The following LANCL3 variants were observed in gnomAD, a reference collection of about 807,000 sequenced individuals.
The protein encoded by LANCL3 is lanC-like protein 3.
LANCL3 carries 19 observed loss-of-function variants against 26.5 expected under a neutral mutation model. That is an observed-to-expected ratio of 0.72 (90% confidence interval 0.50 to 1.05). The LOEUF (loss-of-function observed/expected upper bound fraction) is 1.05. LANCL3 is among the 50% of genes least tolerant of loss of function. The pLI is 0.00. For synonymous variants in LANCL3, 160 were observed against 166.6 expected, an observed-to-expected ratio of 0.96 and a Z score of 0.30; for missense variants, 318 against 362.7, an observed-to-expected ratio of 0.88 and a Z score of 1.00.
At chrX:37,611,988 G>A (rs1231667397) in intron 1 of LANCL3, among the ~76,000 whole-genome samples, 3 of 109,319 alleles carry the variant, frequency 2.7e-5, no homozygotes, top group Non-Finnish European at 5.7e-5. Flanking sequence ...CCAGTGGTGC[G>A]ATCGTACAGT....
chrX:37,665,855 G>C (rs1556433841), intron 3 of LANCL3, among the ~76,000 whole-genome samples: 1 of 112,442 alleles, frequency 8.9e-6, no homozygotes, highest in East Asian at 2.8e-4. Context: ...CTTGTCTAGG[G>C]CTGTGCGTAC....
intron 1 of LANCL3, among the ~76,000 whole-genome samples, chrX:37,622,305 AG>A (rs1925186590): frequency 9.0e-6 from 1 of 111,211 alleles, no homozygotes; most frequent in Non-Finnish European, 1.9e-5. Context: ...GGAATCAATA[AG>A]GGTTCCCTGT....
At chrX:37,578,523 G>A (rs1923811556) in intron 1 of LANCL3, among the ~76,000 whole-genome samples, 1 of 111,938 alleles carries the variant, frequency 8.9e-6, no homozygotes, top group Non-Finnish European at 1.9e-5. Flanking sequence ...CTGTCAGCTA[G>A]TTGCCAATTA....
intron 1 of LANCL3, among the ~76,000 whole-genome samples, chrX:37,591,738 G>T (rs1228727767): frequency 1.9e-5 from 2 of 104,440 alleles, no homozygotes; most frequent in African/African-American, 7.3e-5. Flanking sequence ...GGTGGGGGGG[G>T]TATGTACATT....
chrX:37,656,441 G>A (rs998729169), intron 2 of LANCL3, among the ~76,000 whole-genome samples: 2 of 111,371 alleles, frequency 1.8e-5, no homozygotes, highest in Admixed American at 9.5e-5. Flanking sequence ...CTTTGTCCAT[G>A]TTCCTTTTGC....
chrX:37,571,870 C>T lies in LANCL3; in HGVS notation c.-1C>T, dbSNP rs782189091. 5.8e-6 allele frequency: 7 copies of T among 1,200,189 alleles called. No individual in the cohort carries two copies. The highest frequency in any genetic ancestry group is 7.9e-6 in the Non-Finnish European group (7 of 890,227). On this transcript the variant is annotated 5_prime_UTR_variant, in exon 1 of 5. Coordinates refer to ENST00000378619, the MANE Select transcript of LANCL3 (RefSeq NM_001170331.2). ...CCGCACTAGGGGGCACGGGCAACAGCATGGACACCAAGCGCTGCTTCGCCA... is the reference window on the plus strand; with the variant it reads ...CCGCACTAGGGGGCACGGGCAACAGTATGGACACCAAGCGCTGCTTCGCCA...
intron 1 of LANCL3, among the ~76,000 whole-genome samples, chrX:37,582,155 G>A (rs1923915561): frequency 8.9e-6 from 1 of 111,963 alleles, no homozygotes. Context: ...GTGTATATGT[G>A]CCACATTTTC....
At chrX:37,649,257 C>T (rs969594858) in intron 1 of LANCL3, among the ~76,000 whole-genome samples, 12 of 112,020 alleles carry the variant, frequency 1.1e-4, no homozygotes, top group Admixed American at 3.8e-4. Context: ...ATATATACCA[C>T]GGAATATTAT....
rs1556434312 is a variant in LANCL3 at position 37,667,351 on chromosome X, G to A, written c.965G>A (p.Arg322Gln). The A allele has an allele frequency of 3.4e-6, 4 of 1,193,164 alleles. No individual in the cohort carries two copies. ...KKPQYLDTCI[R>Q]CGELTWQKGL... ...CCGCAGTACCTGGACACATGTATTC[G>A]GTGTGGGGAACTCACATGGCAGAAA... The change falls in exon 4 of 5, where the codon CGG (arginine) becomes CAG (glutamine). Residue 322 changes from arginine to glutamine, a missense_variant. Coordinates refer to ENST00000378619, the MANE Select transcript of LANCL3 (RefSeq NM_001170331.2).
chrX:37,619,682 A>G lies in LANCL3; in HGVS notation c.574-36006A>G, dbSNP rs190557787. On this transcript the variant is annotated intron_variant, in intron 1 of 4. Transcript: ENST00000378619. ...TTCTTAGTGACAAAATCTGCCCTTGATCAAGGAAGCAAAAAGGAGAAGTTA... is the reference window on the plus strand; with the variant it reads ...TTCTTAGTGACAAAATCTGCCCTTGGTCAAGGAAGCAAAAAGGAGAAGTTA... Among the ~76,000 whole-genome samples the G allele has an allele frequency of 6.7e-3, 753 of 111,776 alleles. 2 individuals carry two copies. The highest frequency in any genetic ancestry group is 0.01 in the Non-Finnish European group (537 of 53,172).
intron 1 of LANCL3, among the ~76,000 whole-genome samples, chrX:37,618,273 A>G (rs782008782): frequency 8.9e-6 from 1 of 112,191 alleles, no homozygotes; most frequent in Admixed American, 9.4e-5. Context: ...ACCACATGTG[A>G]CCCTGTGTCT....
At chrX:37,637,881 C>T (rs1925748949) in intron 1 of LANCL3, among the ~76,000 whole-genome samples, 1 of 110,724 alleles carries the variant, frequency 9.0e-6, no homozygotes, top group Non-Finnish European at 1.9e-5. Flanking sequence ...TTAGTTGGCC[C>T]TGCTCCTTCA....
In LANCL3 at chrX:37,634,687, CTAGAT is replaced by C. The variant is rs782501144; in HGVS notation, c.574-20995_574-20991del. Among the ~76,000 whole-genome samples, 648 of 112,135 alleles carry C rather than the reference CTAGAT, an allele frequency of 5.8e-3. 2 individuals carry two copies. The highest frequency in any genetic ancestry group is 0.02 in the African/African-American group (611 of 30,874). On this transcript the variant is annotated intron_variant, in intron 1 of 4. Transcript: ENST00000378619. ...ATTATTGGAAAAATTTAAATATAGA[CTAGAT>C]TAGATAATAGTATTGCATAAGTATT...
At chrX:37,668,000 C>T (rs961923214) in intron 4 of LANCL3, among the ~76,000 whole-genome samples, 4 of 110,396 alleles carry the variant, frequency 3.6e-5, no homozygotes, top group African/African-American at 6.6e-5. Flanking sequence ...AGCAATCTGC[C>T]TCTATGATCC....
chrX:37,669,004 T>C lies in LANCL3; in HGVS notation c.1103+1515T>C, dbSNP rs149827413. Among the ~76,000 whole-genome samples the C allele has an allele frequency of 3.9e-3, 438 of 112,073 alleles. 1 individual carries two copies. The highest frequency in any genetic ancestry group is 0.013 in the African/African-American group (417 of 30,914). On this transcript the variant is annotated intron_variant, in intron 4 of 4. Coordinates refer to ENST00000378619, the MANE Select transcript of LANCL3 (RefSeq NM_001170331.2). ...TAATGTATGAAAAATCATTTAGAAA[T>C]AATGCTTGGCATATAGTAACTGCAA... is the stretch of plus-strand genomic sequence containing the variant.
chrX:37,609,496 A>C (rs1556420882), intron 1 of LANCL3, among the ~76,000 whole-genome samples: 1 of 111,772 alleles, frequency 8.9e-6, no homozygotes, highest in Non-Finnish European at 1.9e-5. Flanking sequence ...CAAGTAAAGA[A>C]AGAGCTGCTT....
chrX:37,652,748 C>T (rs1026610720), intron 1 of LANCL3, among the ~76,000 whole-genome samples: 9 of 111,335 alleles, frequency 8.1e-5, no homozygotes, highest in African/African-American at 2.6e-4. Flanking sequence ...GTCTCAAAAG[C>T]ACAGAGGCCA....
intron 1 of LANCL3, among the ~76,000 whole-genome samples, chrX:37,584,628 G>A (rs1188536736): frequency 8.9e-6 from 1 of 111,791 alleles, no homozygotes; most frequent in African/African-American, 3.3e-5. Context: ...AGTATTCTCT[G>A]ATGGTAGTTT....
At chrX:37,651,697 A>C (rs1483953343) in intron 1 of LANCL3, among the ~76,000 whole-genome samples, 5 of 110,203 alleles carry the variant, frequency 4.5e-5, no homozygotes, top group Non-Finnish European at 9.5e-5. Flanking sequence ...GGTGTGCTGC[A>C]CTCATTAACT....
Sources: allele counts gnomAD v4.1 joint callset (sites outside exome capture counted in the v4.1 genomes callset), GRCh38; gene constraint gnomAD v4.1.1; transcripts MANE v1.5; gene names NCBI Gene and HGNC (gene_info 2026-07-23, HGNC 2026-07-21).